Variants in VPS13D observed in about 807,000 individuals in gnomAD.
VPS13D encodes the protein vacuolar protein sorting 13 homolog D.
Under a neutral mutation model 461.9 loss-of-function variants are expected in VPS13D, and 187 were observed. That is an observed-to-expected ratio of 0.40 (90% CI 0.36 to 0.46). The LOEUF (loss-of-function observed/expected upper bound fraction) is 0.46. VPS13D is among the 20% of genes least tolerant of loss of function. The pLI is 0.60. For synonymous variants in VPS13D, 1,951 were observed against 1,986.3 expected (o/e 0.98, Z 0.47); for missense variants, 4,711 against 5,364.9 (o/e 0.88, Z 3.81).
intron 33 of VPS13D, 111 bp downstream of exon 33, chr1:12,322,075 TTGTTTTTTGAGATGGAGTCTTGCTC>T: frequency 7.0e-7 from 1 of 1,436,384 alleles, no homozygotes. Flanking sequence ...TTGTTTTGTT[TTGTTTTTTGAGATGGAGTCTTGCTC>T]TGTCGCCCAG....
chr1:12,290,031 TAATA>T (rs1438980949), intron 22 of VPS13D, among the ~76,000 whole-genome samples: 4 of 152,164 alleles, frequency 2.6e-5, no homozygotes, highest in African/African-American at 9.6e-5. Context: ...ATAATTATGA[TAATA>T]AATTTTGTTT....
intron 26 of VPS13D, 112 bp from the exon 27 acceptor site, chr1:12,308,319 A>C (rs935713966): frequency 5.3e-6 from 6 of 1,126,248 alleles, no homozygotes; most frequent in Non-Finnish European, 7.6e-6. Flanking sequence ...GGAAGCAGGC[A>C]GCTGTAAACA....
At position 12,283,117 on chromosome 1, in the gene VPS13D, T is replaced by G; in HGVS notation, c.5015T>G (p.Leu1672Arg). 6.2e-7 allele frequency: 1 copy of G among 1,614,196 alleles called. No individual in the cohort carries two copies. Among genetic ancestry groups the G allele is most frequent in the Non-Finnish European group, 8.5e-7 (1 of 1,180,030 alleles). Reference sequence around the variant, plus strand: ...ATTCAGATTGCCCTGCATTCTCTGCTGATGGAGGACTTATTGGAGAAGAAT... The same window carrying G: ...ATTCAGATTGCCCTGCATTCTCTGCGGATGGAGGACTTATTGGAGAAGAAT... ...LSIQIALHSL[L>R]MEDLLEKNPD... Residue 1672 changes from leucine (L) to arginine (R), a missense_variant, in exon 21 of 70, where the codon CTG (leucine) becomes CGG (arginine). By Grantham distance (102) the Leu-to-Arg change is moderately radical. Coordinates refer to ENST00000620676, the MANE Select transcript of VPS13D (RefSeq NM_015378.4).
At chr1:12,478,735 C>A (rs1452794773) in intron 67 of VPS13D, 1 of 452,972 alleles carries the variant, frequency 2.2e-6, no homozygotes, top group Non-Finnish European at 4.5e-6. Context: ...GTCTGCCTCC[C>A]TCCCCCCGGC....
chr1:12,295,821 G>A (rs370904262), intron 24 of VPS13D, among the ~76,000 whole-genome samples: 26 of 152,168 alleles, frequency 1.7e-4, no homozygotes, highest in Middle Eastern at 3.4e-3. Flanking sequence ...TCCCTATTCC[G>A]TTCCCCTGTC....
At chr1:12,272,333 G>C (rs1238204489) in intron 17 of VPS13D, among the ~76,000 whole-genome samples, 1 of 151,982 alleles carries the variant, frequency 6.6e-6, no homozygotes, top group African/African-American at 2.4e-5. Flanking sequence ...AAGCAGAAAT[G>C]ATCCAAGTAA....
rs1641655244 is a variant in VPS13D, at chr1:12,277,665, A to C, written c.4077A>C (p.Glu1359Asp). ...TREPFILEEN[E>D]IYGFDLASSH... ...AACCCTTTATCTTAGAGGAAAATGA[A>C]ATATATGGGTTTGACCTAGCTTCGT... Residue 1359 changes from glutamate (E) to aspartate (D), a missense_variant, in exon 19 of 70, where the codon GAA (glutamate) becomes GAC (aspartate). Glu to Asp is a conservative substitution (Grantham distance 45, BLOSUM62 2). Transcript: ENST00000620676. 1.9e-6 allele frequency: 3 copies of C among 1,614,150 alleles called. No homozygotes were observed. Among genetic ancestry groups the C allele is most frequent in the Non-Finnish European group, 1.7e-6 (2 of 1,180,030 alleles).
At position 12,276,732 on chromosome 1, in the gene VPS13D, T is replaced by C; in HGVS notation, c.3144T>C (p.Asn1048=). The C allele has an allele frequency of 6.2e-7, 1 of 1,614,214 alleles. No individual in the cohort carries two copies. Among genetic ancestry groups the C allele is most frequent in the Non-Finnish European group, 8.5e-7 (1 of 1,180,040 alleles). The change falls in exon 19 of 70, where the codon AAT becomes AAC. Residue 1048 remains asparagine, a synonymous_variant. Coordinates refer to ENST00000620676, the MANE Select transcript of VPS13D (RefSeq NM_015378.4). The surrounding 1 kb of genome is among the most constrained non-coding windows in gnomAD (Gnocchi z 4.5). ...SRAQSPVSGP[N]VAHLTDGATL... ...CCCAGTCTCCTGTCTCTGGACCGAATGTGGCCCACTTAACTGATGGAGCTA... is the reference window on the plus strand; with the variant it reads ...CCCAGTCTCCTGTCTCTGGACCGAACGTGGCCCACTTAACTGATGGAGCTA...
Position 12,244,321 on chromosome 1 carries a change from G to C in VPS13D, c.251G>C (p.Ser84Thr). The change falls in exon 4 of 70, where the codon AGC becomes ACC. Residue 84 changes from serine to threonine, a missense_variant. Ser to Thr is a moderately conservative substitution (Grantham distance 58). This residue lies in a region of VPS13D where 4,411 missense variants were observed against 4,937.8 expected (regional missense o/e 0.89). Coordinates refer to ENST00000620676, the MANE Select transcript of VPS13D (RefSeq NM_015378.4). ...HVDPWVISISSLHLIGAPEKI... is the reference protein window; with the variant it reads ...HVDPWVISISTLHLIGAPEKI... ...GACCCTTGGGTGATCTCCATCTCCA[G>C]CCTTCACTTAATTGGAGCCCCAGAG... 6.2e-7 allele frequency: 1 copy of C among 1,614,106 alleles called. No homozygotes were observed. Among genetic ancestry groups the C allele is most frequent in the Non-Finnish European group, 8.5e-7 (1 of 1,180,018 alleles).
At chr1:12,470,775 C>A (rs1645552797) in intron 67 of VPS13D, among the ~76,000 whole-genome samples, 1 of 152,120 alleles carries the variant, frequency 6.6e-6, no homozygotes, top group African/African-American at 2.4e-5. Context: ...AGTGATTTGA[C>A]TTACTCTTTA....
intron 32 of VPS13D, among the ~76,000 whole-genome samples, chr1:12,320,375 A>G (rs1395536782): frequency 1.3e-5 from 2 of 152,218 alleles, no homozygotes; most frequent in East Asian, 3.8e-4. Context: ...CACATTCCCC[A>G]TGCCACACTG....
At chr1:12,442,152 A>G (rs1291416504) in intron 65 of VPS13D, among the ~76,000 whole-genome samples, 1 of 152,244 alleles carries the variant, frequency 6.6e-6, no homozygotes, top group African/African-American at 2.4e-5. Flanking sequence ...TCTCTAAAAC[A>G]ACACTATCTG....
chr1:12,345,568 G>A (rs1203081813), intron 43 of VPS13D, 59 bp downstream of exon 43: 1 of 1,569,782 alleles, frequency 6.4e-7, no homozygotes, highest in Non-Finnish European at 8.7e-7. Flanking sequence ...AGATGGTTAA[G>A]CCTGTAATAA....
At chr1:12,416,569 A>G (rs1644796968) in intron 64 of VPS13D, 91 bp from the exon 65 acceptor site, 1 of 1,363,314 alleles carries the variant, frequency 7.3e-7, no homozygotes, top group Non-Finnish European at 1.0e-6. Context: ...GGAGAACAAA[A>G]TAGATTTCTA....
intron 20 of VPS13D, among the ~76,000 whole-genome samples, chr1:12,280,498 T>G (rs1006718947): frequency 1.2e-4 from 18 of 151,520 alleles, no homozygotes; most frequent in South Asian, 2.1e-4. Flanking sequence ...TATGTTGACT[T>G]ACTTTTTTTT....
intron 60 of VPS13D, among the ~76,000 whole-genome samples, chr1:12,388,164 A>G (rs1644373885): frequency 6.6e-6 from 1 of 152,260 alleles, no homozygotes; most frequent in African/African-American, 2.4e-5. Flanking sequence ...GTGTAATCTT[A>G]TACATGATGT....
chr1:12,361,427 G>T (rs1414439478), intron 50 of VPS13D, among the ~76,000 whole-genome samples: 77 of 139,750 alleles, frequency 5.5e-4, no homozygotes, highest in Non-Finnish European at 6.5e-4. Context: ...ACGGAGTCTC[G>T]CTCTGTCGCC....
Position 12,505,491 on chromosome 1 carries a change from C to T in VPS13D, c.12795-1362C>T, listed in dbSNP as rs552054338. Among the ~76,000 whole-genome samples the T allele has an allele frequency of 4.3e-4, 65 of 152,298 alleles. No homozygotes were observed. Among genetic ancestry groups the T allele is most frequent in the African/African-American group, 1.5e-3 (63 of 41,574 alleles). On this transcript the variant is annotated intron_variant, in intron 68 of 69. Transcript: ENST00000620676. This position sits in a 1 kb window ranked among gnomAD's most constrained non-coding sequence, Gnocchi z 4.2. ...AATAAATCCCAGTTTTTGTCATGGG[C>T]GTCTGTAATTAAAATGGCAACTGGA... is the stretch of plus-strand genomic sequence containing the variant.
intron 59 of VPS13D, 100 bp from the exon 60 acceptor site, chr1:12,386,085 G>T: frequency 7.3e-7 from 1 of 1,365,006 alleles, no homozygotes; most frequent in Non-Finnish European, 9.9e-7. Flanking sequence ...TGAGAGATCG[G>T]GAGTAGAGGA....
Sources: allele counts gnomAD v4.1 joint callset (sites outside exome capture counted in the v4.1 genomes callset), GRCh38; gene constraint gnomAD v4.1.1; regional missense constraint gnomAD v4.1.1; non-coding constraint Gnocchi (gnomAD v3.1); transcripts MANE v1.5; gene names NCBI Gene and HGNC (gene_info 2026-07-23, HGNC 2026-07-21).